LYAR: variants seen among roughly 807,000 people sequenced by gnomAD.
The protein encoded by LYAR is Ly1 antibody reactive, also known as cell growth-regulating nucleolar protein.
In LYAR, 37 loss-of-function variants were observed where a neutral mutation model predicts 45.2. The ratio of observed to expected loss-of-function variants is 0.82; its 90% CI spans 0.63 to 1.08. LYAR has a LOEUF of 1.08. LYAR is among the 50% of genes least tolerant of loss of function. LYAR has a pLI of 0.00. For missense variants in LYAR, 493 were observed against 451.0 expected (o/e 1.09, Z -0.84); for synonymous variants, 176 against 155.1 (o/e 1.14, Z -1.00).
chr4:4,283,326 T>C (rs1253978821), intron 3 of LYAR, among the ~76,000 whole-genome samples: 2 of 152,128 alleles, frequency 1.3e-5, no homozygotes, highest in African/African-American at 4.8e-5. Context: ...AATTTTTGTA[T>C]TTTTAGTAGA....
intron 1 of LYAR, among the ~76,000 whole-genome samples, chr4:4,287,628 AGT>A (rs978685312): frequency 1.3e-5 from 2 of 152,198 alleles, no homozygotes; most frequent in African/African-American, 4.8e-5. Flanking sequence ...CAGGAGGGTA[AGT>A]GAACTGCCCG....
rs1007578622 is a variant in LYAR at position 4,268,561 on chromosome 4, T to C, written c.974A>G (p.Asn325Ser). The C allele has an allele frequency of 1.2e-6, 2 of 1,612,672 alleles. No homozygotes were observed. Among genetic ancestry groups the C allele is most frequent in the Non-Finnish European group, 1.7e-6 (2 of 1,179,114 alleles). The change falls in exon 9 of 10, where the codon AAT becomes AGT. Residue 325 changes from asparagine to serine, a missense_variant. Physicochemically the swap from Asn to Ser is conservative, Grantham distance 46 (BLOSUM62 1). Transcript: ENST00000343470. ...CCTTAGCTTTTTGATGGTTATTTCATTGTCTGGGGCCTGTTTCAGAATTGC... is the reference window on the plus strand; with the variant it reads ...CCTTAGCTTTTTGATGGTTATTTCACTGTCTGGGGCCTGTTTCAGAATTGC... ...IKAILKQAPD[N>S]EITIKKLRKK...
chr4:4,281,755 G>T (rs1261175161), intron 4 of LYAR, 28 bp downstream of exon 4: 7 of 1,511,560 alleles, frequency 4.6e-6, no homozygotes, highest in African/African-American at 1.4e-5. Flanking sequence ...GTCAGAGGAA[G>T]CTACTCAATG....
chr4:4,279,090 C>A (rs1374039581), intron 6 of LYAR, among the ~76,000 whole-genome samples: 1 of 151,906 alleles, frequency 6.6e-6, no homozygotes, highest in Non-Finnish European at 1.5e-5. Flanking sequence ...TTTGGGAGGC[C>A]AACGCAGGCA....
chr4:4,281,719 T>C (rs1719398834), intron 4 of LYAR, 64 bp downstream of exon 4: 1 of 1,205,470 alleles, frequency 8.3e-7, no homozygotes, highest in Non-Finnish European at 1.2e-6. Context: ...TCTTAGTCTC[T>C]TGGGCTTCCA....
In LYAR at chr4:4,279,093, C is replaced by CG. The variant is rs572117393; in HGVS notation, c.429+353dup. Among the ~76,000 whole-genome samples, 13 of 151,990 alleles carry CG rather than the reference C, an allele frequency of 8.6e-5. No homozygotes were observed. The East Asian group carries it at 2.1e-3, about 25-fold the overall frequency. On this transcript the variant is annotated intron_variant, in intron 6 of 9. Transcript: ENST00000343470. ...TAATTCCAGCACTTTGGGAGGCCAACGCAGGCAGGTCACCTGAGGTCAGGA... is the reference window on the plus strand; with the variant it reads ...TAATTCCAGCACTTTGGGAGGCCAACGGCAGGCAGGTCACCTGAGGTCAGGA...
At chr4:4,274,216 A>G (rs554669870) in intron 7 of LYAR, 151 bp downstream of exon 7, 42 of 885,836 alleles carry the variant, frequency 4.7e-5, no homozygotes, top group African/African-American at 8.4e-5. Context: ...CAGCCTGGGC[A>G]ACAGAGCAAG....
chr4:4,280,044 G>C (rs1011914939), intron 4 of LYAR, among the ~76,000 whole-genome samples: 1 of 152,152 alleles, frequency 6.6e-6, no homozygotes, highest in Non-Finnish European at 1.5e-5. Context: ...GTCCTAAAGA[G>C]TCCACACAAA....
At chr4:4,273,815 C>T (rs1423130703) in intron 7 of LYAR, 146 bp from the exon 8 acceptor site, 2 of 592,684 alleles carry the variant, frequency 3.4e-6, no homozygotes, top group Non-Finnish European at 3.0e-6. Flanking sequence ...TATAAAACCC[C>T]AGGAGGGTTT....
Position 4,279,527 on chromosome 4 carries a change from A to T in LYAR, c.349T>A (p.Trp117Arg). The change falls in exon 6 of 10, where the codon TGG becomes AGG. Residue 117 changes from tryptophan (W) to arginine (R), a missense_variant. By Grantham distance (101) the Trp-to-Arg change is moderately radical (BLOSUM62 -3). Transcript: ENST00000343470. ...TGAACTTTTAAACTGTTCTTCATCC[A>T]ATTCTGTAAGAAAGAAAAAGAAAAA... ...VPRKKAKFQN[W>R]MKNSLKVHNE... 6.2e-7 allele frequency: 1 copy of T among 1,608,128 alleles called. No individual in the cohort carries two copies. Among genetic ancestry groups the T allele is most frequent in the Non-Finnish European group, 8.5e-7 (1 of 1,174,772 alleles).
At chr4:4,273,816 A>G in intron 7 of LYAR, 147 bp from the exon 8 acceptor site, 1 of 592,178 alleles carries the variant, frequency 1.7e-6, no homozygotes, top group Middle Eastern at 4.6e-4. Flanking sequence ...ATAAAACCCC[A>G]GGAGGGTTTT....
chr4:4,284,221 A>G (rs998016299), intron 2 of LYAR, among the ~76,000 whole-genome samples: 8 of 152,212 alleles, frequency 5.3e-5, no homozygotes, highest in Non-Finnish European at 8.8e-5. Context: ...CTTACTTTCC[A>G]TAATACCTTA....
intron 8 of LYAR, among the ~76,000 whole-genome samples, chr4:4,273,320 C>T (rs1409876623): frequency 6.6e-6 from 1 of 152,166 alleles, no homozygotes; most frequent in Non-Finnish European, 1.5e-5. Flanking sequence ...GAGGGTAAGA[C>T]CCTACTAGAA....
intron 4 of LYAR, among the ~76,000 whole-genome samples, chr4:4,280,248 C>A (rs1021762916): frequency 6.6e-6 from 1 of 152,278 alleles, no homozygotes; most frequent in Admixed American, 6.5e-5. Flanking sequence ...CCAAAAAACA[C>A]TGCTGAAAGA....
chr4:4,287,931 G>A (rs1719678751), intron 1 of LYAR, among the ~76,000 whole-genome samples: 1 of 152,350 alleles, frequency 6.6e-6, no homozygotes, highest in Non-Finnish European at 1.5e-5. Flanking sequence ...AAAGCTAGCT[G>A]AGGGGCAGCA....
chr4:4,275,884 C>T (rs1431574994), intron 6 of LYAR, among the ~76,000 whole-genome samples: 4 of 152,116 alleles, frequency 2.6e-5, no homozygotes, highest in African/African-American at 9.7e-5. Flanking sequence ...TTAGTAGAGA[C>T]AGGGTTTCAC....
intron 8 of LYAR, among the ~76,000 whole-genome samples, chr4:4,271,861 T>C (rs1015436272): frequency 6.6e-6 from 1 of 152,222 alleles, no homozygotes; most frequent in South Asian, 2.1e-4. Context: ...CACAGGTGAA[T>C]GATGAAAGGA....
chr4:4,278,375 T>A (rs1433338233), intron 6 of LYAR, among the ~76,000 whole-genome samples: 1 of 152,194 alleles, frequency 6.6e-6, no homozygotes, highest in Non-Finnish European at 1.5e-5. Context: ...AACAATGTAA[T>A]CAACAATGTG....
rs767675091 is a variant in LYAR, at chr4:4,274,632, T to C, written c.567A>G (p.Arg189=). The change falls in exon 7 of 10, where the codon AGA becomes AGG. Residue 189 remains arginine, a synonymous_variant. Coordinates refer to ENST00000343470, the MANE Select transcript of LYAR (RefSeq NM_017816.3). Reference sequence around the variant, plus strand: ...TCTTCTGCCGTTCTTCCTTTCTTTCTCTTTTATTCTTCTTCACCTCCCCTT... The same window carrying C: ...TCTTCTGCCGTTCTTCCTTTCTTTCCCTTTTATTCTTCTTCACCTCCCCTT... ...EQQGEVKKNK[R]ERKEERQKKR... is the part of the protein sequence containing the mutation. 2.5e-6 allele frequency: 4 copies of C among 1,614,150 alleles called. No homozygotes were observed. Among genetic ancestry groups the C allele is most frequent in the Non-Finnish European group, 3.4e-6 (4 of 1,180,038 alleles).
Sources: gnomAD v4.1 joint callset for allele counts (sites outside exome capture counted in the v4.1 genomes callset) on GRCh38, gnomAD v4.1.1 for gene constraint, MANE v1.5 for transcripts, NCBI Gene and HGNC (gene_info 2026-07-23, HGNC 2026-07-21) for gene names.